SV2C: variants seen among roughly 807,000 people sequenced by gnomAD.
SV2C encodes synaptic vesicle glycoprotein 2C.
Under a neutral mutation model 79.7 loss-of-function variants are expected in SV2C, and 49 were observed. The ratio of observed to expected loss-of-function variants is 0.61; its 90% CI spans 0.49 to 0.78. The LOEUF is 0.78. SV2C is among the 30% of genes least tolerant of loss of function. The probability of loss-of-function intolerance (pLI) is 0.00; values close to 1 mark genes in which losing one functional copy is unlikely to be tolerated. For missense variants in SV2C, 833 were observed against 912.9 expected (o/e 0.91, Z 1.13); for synonymous variants, 334 against 333.2 (o/e 1.00, Z -0.03).
At chr5:76,282,749 C>T (rs900804436) in intron 4 of SV2C, among the ~76,000 whole-genome samples, 1 of 152,168 alleles carries the variant, frequency 6.6e-6, no homozygotes, top group East Asian at 1.9e-4. Flanking sequence ...GTGGCTCACA[C>T]TTGTAATCCC....
At chr5:75,906,084 G>A in the SV2C span, among the ~76,000 whole-genome samples, 1 of 151,782 alleles carries the variant, frequency 6.6e-6, no homozygotes, top group Non-Finnish European at 1.5e-5. Context: ...AAGGACTGCT[G>A]GTAACTACCA....
the SV2C span, among the ~76,000 whole-genome samples, chr5:75,973,364 A>G: frequency 1.3e-5 from 2 of 151,848 alleles, no homozygotes; most frequent in African/African-American, 4.8e-5. Context: ...GTATGGTAGC[A>G]TGTTCCTGTA....
chr5:76,008,311 T>G, the SV2C span, among the ~76,000 whole-genome samples: 1 of 152,156 alleles, frequency 6.6e-6, no homozygotes, highest in South Asian at 2.1e-4. Context: ...CTGCATTACT[T>G]TATGCTGATG....
At chr5:76,077,455 A>G in the SV2C span, among the ~76,000 whole-genome samples, 2 of 152,228 alleles carry the variant, frequency 1.3e-5, no homozygotes, top group African/African-American at 2.4e-5. Flanking sequence ...ATTCAAACAA[A>G]CTAATTTTTA....
At chr5:76,014,663 C>T in the SV2C span, among the ~76,000 whole-genome samples, 1 of 152,120 alleles carries the variant, frequency 6.6e-6, no homozygotes, top group Non-Finnish European at 1.5e-5. Context: ...CATGTGCGCA[C>T]ACACATGCAT....
At chr5:75,898,668 G>A in the SV2C span, among the ~76,000 whole-genome samples, 1 of 152,080 alleles carries the variant, frequency 6.6e-6, no homozygotes. Context: ...TGTACCTCTG[G>A]TAGAATTTGG....
chr5:76,275,369 C>A (rs985526969), intron 4 of SV2C, among the ~76,000 whole-genome samples: 1 of 152,086 alleles, frequency 6.6e-6, no homozygotes, highest in Non-Finnish European at 1.5e-5. Context: ...CGCCTGTAGT[C>A]CCAACTACTC....
chr5:76,237,421 T>C (rs1745645653), intron 4 of SV2C, among the ~76,000 whole-genome samples: 1 of 152,202 alleles, frequency 6.6e-6, no homozygotes, highest in Non-Finnish European at 1.5e-5. Flanking sequence ...ACCATTTTTT[T>C]ACTGAAGACA....
intron 2 of SV2C, among the ~76,000 whole-genome samples, chr5:76,176,382 G>C (rs10038253): frequency 6.6e-5 from 10 of 151,838 alleles, no homozygotes; most frequent in African/African-American, 2.4e-4. Context: ...CATGCTCCAG[G>C]ACACACAGAA....
At position 76,124,131 on chromosome 5, in the gene SV2C, T is replaced by C. The variant is rs545687599; in HGVS notation, c.-101-7519T>C. Among the ~76,000 whole-genome samples, 23 of 152,312 alleles carry C rather than the reference T, an allele frequency of 1.5e-4. No individual in the cohort carries two copies. The South Asian group carries it at 4.1e-3, about 27-fold the overall frequency. ...ATACACATCACATAAAATTTACCAC[T>C]TAACCATTTTTAAATGTACAGTCAG... On this transcript the variant is annotated intron_variant, in intron 1 of 12. Transcript: ENST00000502798.
intron 12 of SV2C, among the ~76,000 whole-genome samples, chr5:76,305,607 G>GTCTT (rs987033953): frequency 6.6e-6 from 1 of 151,992 alleles, no homozygotes; most frequent in Non-Finnish European, 1.5e-5. Flanking sequence ...TTAATTTTGT[G>GTCTT]TCTTTTATAA....
intron 4 of SV2C, among the ~76,000 whole-genome samples, chr5:76,218,061 A>G (rs2112370596): frequency 6.6e-6 from 1 of 152,342 alleles, no homozygotes; most frequent in Middle Eastern, 3.4e-3. Flanking sequence ...GAGATCCTGG[A>G]GACAGGCAGT....
chr5:76,149,450 G>A (rs1242313183), intron 2 of SV2C, among the ~76,000 whole-genome samples: 1 of 152,208 alleles, frequency 6.6e-6, no homozygotes, highest in Non-Finnish European at 1.5e-5. Context: ...CGCTGAGGCT[G>A]CTGGTTGTGA....
At chr5:75,891,189 T>C in the SV2C span, among the ~76,000 whole-genome samples, 2 of 152,084 alleles carry the variant, frequency 1.3e-5, no homozygotes, top group African/African-American at 2.4e-5. Context: ...ACCAGGGACT[T>C]TGAGACTTTT....
the SV2C span, among the ~76,000 whole-genome samples, chr5:76,027,392 G>A: frequency 3.3e-4 from 50 of 149,408 alleles, no homozygotes; most frequent in Middle Eastern, 3.5e-3. Context: ...CTTTTTTTTT[G>A]TCATTTCTTA....
chr5:76,052,953 T>A, the SV2C span, among the ~76,000 whole-genome samples: 2 of 151,634 alleles, frequency 1.3e-5, no homozygotes, highest in South Asian at 2.1e-4. Flanking sequence ...CCAAGATTTT[T>A]AAAAAACATT....
chr5:76,258,024 G>T (rs1024563909), intron 4 of SV2C, among the ~76,000 whole-genome samples: 5 of 150,106 alleles, frequency 3.3e-5, no homozygotes, highest in Non-Finnish European at 7.4e-5. Context: ...AGTGTGTGGG[G>T]TGTGGATTGT....
chr5:76,316,769 T>G (rs1329182753), intron 12 of SV2C, among the ~76,000 whole-genome samples: 1 of 152,090 alleles, frequency 6.6e-6, no homozygotes, highest in Non-Finnish European at 1.5e-5. Flanking sequence ...CTCCTACTAT[T>G]CCTTTCAGCA....
intron 4 of SV2C, among the ~76,000 whole-genome samples, chr5:76,245,304 A>C (rs1028504906): frequency 2.6e-5 from 4 of 152,214 alleles, no homozygotes; most frequent in African/African-American, 9.6e-5. Context: ...AGGAAGAGGA[A>C]GGACTAGCCC....
Sources: allele counts gnomAD v4.1 joint callset (sites outside exome capture counted in the v4.1 genomes callset), GRCh38; gene constraint gnomAD v4.1.1; transcripts MANE v1.5; gene names NCBI Gene and HGNC (gene_info 2026-07-23, HGNC 2026-07-21).